PCDHA7: variants seen among roughly 807,000 people sequenced by gnomAD.
The protein encoded by PCDHA7 is protocadherin alpha-7.
PCDHA7 carries 37 observed loss-of-function variants against 57.2 expected under a neutral mutation model. That is an observed-to-expected ratio of 0.65 (90% confidence interval 0.50 to 0.85). PCDHA7 has a LOEUF of 0.85. Ranked by LOEUF, PCDHA7 falls within the 40% of genes least tolerant of loss-of-function variation. The pLI is 0.00. For synonymous variants in PCDHA7, 553 were observed against 558.8 expected, an observed-to-expected ratio of 0.99 and a Z score of 0.15; for missense variants, 1,188 against 1,241.8, an observed-to-expected ratio of 0.96 and a Z score of 0.65.
intron 1 of PCDHA7, chr5:140,884,792 G>T: frequency 7.6e-7 from 1 of 1,312,776 alleles, no homozygotes; most frequent in Non-Finnish European, 1.0e-6. Context: ...AGTTGTTATC[G>T]AATTTAACAA....
chr5:140,997,046 T>C (rs2097756944), intron 3 of PCDHA7, among the ~76,000 whole-genome samples: 1 of 152,176 alleles, frequency 6.6e-6, no homozygotes, highest in Admixed American at 6.5e-5. Flanking sequence ...AACTTTACTT[T>C]TTAGAGCAGT....
chr5:140,891,820 G>T (rs1341896388), intron 1 of PCDHA7, among the ~76,000 whole-genome samples: 3 of 152,102 alleles, frequency 2.0e-5, no homozygotes, highest in African/African-American at 7.2e-5. Context: ...TAAATTAACG[G>T]CACTGTAAAA....
rs145919251 is a variant in PCDHA7, at chr5:140,979,502, C to T, written c.2414+495C>T. On this transcript the variant is annotated intron_variant, in intron 2 of 3. Coordinates refer to ENST00000525929, the MANE Select transcript of PCDHA7 (RefSeq NM_018910.3). Reference sequence around the variant, plus strand: ...GTGTTCACACCTATTAGAGCCTCCTCATCTTTCCCATCTGTTGCTATCTTA... The same window carrying T: ...GTGTTCACACCTATTAGAGCCTCCTTATCTTTCCCATCTGTTGCTATCTTA... 1.1e-3 allele frequency among the ~76,000 whole-genome samples: 170 copies of T among 152,258 alleles called. 4 individuals are homozygous for T. In the East Asian group the frequency reaches 0.028, roughly 25 times the overall value.
chr5:140,899,531 CA>C (rs2067387177), intron 1 of PCDHA7, among the ~76,000 whole-genome samples: 1 of 152,140 alleles, frequency 6.6e-6, no homozygotes, highest in Non-Finnish European at 1.5e-5. Context: ...GGATGAAGCC[CA>C]CTTGATCATG....
rs1781520198 is a variant in PCDHA7, at chr5:140,848,443, T to C, written c.2355+11705T>C. ...ATGGGACTGACGAAATCAGATGATTTCTTCTAATTTGGAGGCAATTTTCAC... is the reference window on the plus strand; with the variant it reads ...ATGGGACTGACGAAATCAGATGATTCCTTCTAATTTGGAGGCAATTTTCAC... On this transcript the variant is annotated intron_variant, in intron 1 of 3. Transcript: ENST00000525929. 5.4e-6 allele frequency: 8 copies of C among 1,493,744 alleles called. 1 individual carries two copies. The highest frequency in any genetic ancestry group is 7.3e-6 in the Non-Finnish European group (8 of 1,096,078). 92.5% of individuals were successfully genotyped at this position (1,493,744 alleles called of 1,614,324 possible).
intron 1 of PCDHA7, chr5:140,842,268 A>G (rs1554138931): frequency 2.5e-6 from 4 of 1,610,534 alleles, no homozygotes. Flanking sequence ...GAAAACTTAT[A>G]CAAAATCCTC....
intron 1 of PCDHA7, among the ~76,000 whole-genome samples, chr5:140,978,203 C>T (rs1231262283): frequency 6.6e-6 from 1 of 152,178 alleles, no homozygotes; most frequent in East Asian, 1.9e-4. Context: ...CAATACACAA[C>T]TAATGCAAAA....
chr5:140,857,010 T>C (rs782647115), intron 1 of PCDHA7: 1 of 1,595,968 alleles, frequency 6.3e-7, no homozygotes, highest in South Asian at 1.1e-5. Context: ...CATGTAGATG[T>C]TACAGATAAG....
At chr5:140,962,543 G>T (rs962454688) in intron 1 of PCDHA7, among the ~76,000 whole-genome samples, 1 of 152,176 alleles carries the variant, frequency 6.6e-6, no homozygotes, top group Non-Finnish European at 1.5e-5. Flanking sequence ...AACTAAAAAT[G>T]TAGAGGATCT....
chr5:140,883,868 C>G lies in PCDHA7; in HGVS notation c.2355+47130C>G, dbSNP rs782022578. ...CGAGGAGCTGGAGCTGTTGCAGTTC[C>G]AGGTGAGCGCGCGCGACTCTGGCGT... On this transcript the variant is annotated intron_variant, in intron 1 of 3. Coordinates refer to ENST00000525929, the MANE Select transcript of PCDHA7 (RefSeq NM_018910.3). 9.9e-6 allele frequency: 16 copies of G among 1,613,048 alleles called. No homozygotes were observed. The Admixed American group carries it at 2.5e-4, about 25-fold the overall frequency.
chr5:140,898,711 T>A (rs1280268769), intron 1 of PCDHA7, among the ~76,000 whole-genome samples: 2 of 152,226 alleles, frequency 1.3e-5, no homozygotes, highest in Non-Finnish European at 2.9e-5. Flanking sequence ...AAGTAGTTTT[T>A]TCCAATTCTG....
intron 1 of PCDHA7, among the ~76,000 whole-genome samples, chr5:140,913,241 T>C (rs1325092057): frequency 6.6e-6 from 1 of 152,226 alleles, no homozygotes; most frequent in African/African-American, 2.4e-5. Context: ...GGGAGACTTT[T>C]TGTTACAACT....
chr5:140,838,594 A>G (rs1775794332), intron 1 of PCDHA7, among the ~76,000 whole-genome samples: 1 of 152,002 alleles, frequency 6.6e-6, no homozygotes, highest in Non-Finnish European at 1.5e-5. Flanking sequence ...CAATAACCGA[A>G]TTGTCTAGAC....
At chr5:140,979,244 T>C (rs1214932523) in intron 2 of PCDHA7, among the ~76,000 whole-genome samples, 1 of 152,224 alleles carries the variant, frequency 6.6e-6, no homozygotes, top group African/African-American at 2.4e-5. Context: ...AGAAACAGGC[T>C]GCTATGTATT....
chr5:141,000,395 C>CTCTCTATA (rs1213762225), intron 3 of PCDHA7, among the ~76,000 whole-genome samples: 1 of 53,986 alleles, frequency 1.9e-5, no homozygotes, highest in Non-Finnish European at 3.2e-5. Flanking sequence ...CTCTCTCTCT[C>CTCTCTATA]TATATATATA....
At chr5:140,921,616 A>C (rs1369093554) in intron 1 of PCDHA7, among the ~76,000 whole-genome samples, 1 of 152,222 alleles carries the variant, frequency 6.6e-6, no homozygotes, top group African/African-American at 2.4e-5. Flanking sequence ...GAAAAATATC[A>C]TCAGATCATC....
In PCDHA7 at chr5:140,850,346, C is replaced by A. The variant is rs2150480590; in HGVS notation, c.2355+13608C>A. On this transcript the variant is annotated intron_variant, in intron 1 of 3. Transcript: ENST00000525929. ...ACGAGCTGCAGCCAGAAACGGCCAGCGCGAGCATCCCGTTCCGCGTGGGGC... is the reference window on the plus strand; with the variant it reads ...ACGAGCTGCAGCCAGAAACGGCCAGAGCGAGCATCCCGTTCCGCGTGGGGC... 9 of 1,597,626 alleles carry A rather than the reference C, an allele frequency of 5.6e-6. 1 individual carries two copies. In the East Asian group the frequency reaches 2.0e-4, roughly 36 times the overall value.
At chr5:140,886,288 A>G (rs1227734409) in intron 1 of PCDHA7, among the ~76,000 whole-genome samples, 4 of 151,870 alleles carry the variant, frequency 2.6e-5, no homozygotes, top group Middle Eastern at 3.2e-3. Flanking sequence ...AATTATTTTT[A>G]TATTTATTTA....
chr5:140,862,911 G>A (rs781861917), intron 1 of PCDHA7: 3 of 549,326 alleles, frequency 5.5e-6, no homozygotes, highest in Admixed American at 3.9e-5. Context: ...CGCTGCTGGC[G>A]CCTTGGGTGG....
Sources: gnomAD v4.1 joint callset for allele counts (sites outside exome capture counted in the v4.1 genomes callset) on GRCh38, gnomAD v4.1.1 for gene constraint, MANE v1.5 for transcripts, NCBI Gene and HGNC (gene_info 2026-07-23, HGNC 2026-07-21) for gene names.